Variants in DOCK10 observed in about 807,000 individuals in gnomAD.
The protein encoded by DOCK10 is dedicator of cytokinesis 10, also known as dedicator of cytokinesis protein 10.
In DOCK10, 145 loss-of-function variants were observed where a neutral mutation model predicts 280.1. The ratio of observed to expected loss-of-function variants is 0.52; its 90% CI spans 0.45 to 0.59. The LOEUF is 0.59. Among genes scored for constraint, DOCK10 ranks in the 20% least tolerant of loss-of-function variants. The probability of loss-of-function intolerance (pLI) is 0.00; values close to 1 mark genes in which losing one functional copy is unlikely to be tolerated. For missense variants in DOCK10, 2,368 were observed against 2,651.7 expected (o/e 0.89, Z 2.35); for synonymous variants, 915 against 942.2 (o/e 0.97, Z 0.53).
At chr2:224,957,577 C>G (rs1490080382) in intron 1 of DOCK10, among the ~76,000 whole-genome samples, 1 of 152,138 alleles carries the variant, frequency 6.6e-6, no homozygotes, top group Non-Finnish European at 1.5e-5. Flanking sequence ...TGTGAGCCAC[C>G]AAATCCAGTA....
rs149443101 is a variant in DOCK10, at chr2:224,961,953, G to C, written c.124-30285C>G. Among the ~76,000 whole-genome samples, 24 of 152,214 alleles carry C rather than the reference G, an allele frequency of 1.6e-4. No individual in the cohort carries two copies. In the East Asian group the frequency reaches 4.5e-3, roughly 28 times the overall value. ...AAGATGTCAGTGACATCTTCTCCAG[G>C]GGGTACAGGAATTGCAGGAGTTTAT... On this transcript the variant is annotated intron_variant, in intron 1 of 55. Coordinates refer to ENST00000258390, the MANE Select transcript of DOCK10 (RefSeq NM_014689.3).
chr2:224,876,199 G>T lies in DOCK10; in HGVS notation c.770C>A (p.Ala257Asp). The change falls in exon 8 of 56, where the codon GCC (alanine) becomes GAC (aspartate). Residue 257 changes from alanine to aspartate, a missense_variant. Transcript: ENST00000258390. The part of the protein sequence containing the change: ...VVQNNRLRKY[A>D]FELKMNDLTY... ...CAGATCATTCATTTTCAATTCAAAG[G>T]CATATTTTCTTAGTCTGTTATTCTG... is the stretch of plus-strand genomic sequence containing the variant. 6.2e-7 allele frequency: 1 copy of T among 1,611,136 alleles called. No homozygotes were observed. Among genetic ancestry groups the T allele is most frequent in the South Asian group, 1.1e-5 (1 of 90,574 alleles).
intron 3 of DOCK10, among the ~76,000 whole-genome samples, chr2:224,911,066 C>T (rs1202250635): frequency 6.6e-6 from 1 of 151,820 alleles, no homozygotes; most frequent in African/African-American, 2.4e-5. Context: ...AATGTTCTGT[C>T]CTGAGCTTTG....
chr2:224,932,144 A>G (rs928717395), intron 1 of DOCK10, among the ~76,000 whole-genome samples: 1 of 152,180 alleles, frequency 6.6e-6, no homozygotes, highest in Admixed American at 6.5e-5. Flanking sequence ...GGTTGTCACG[A>G]ACACATGGAT....
At chr2:224,938,321 T>C (rs1702813990) in intron 1 of DOCK10, among the ~76,000 whole-genome samples, 1 of 152,208 alleles carries the variant, frequency 6.6e-6, no homozygotes, top group Non-Finnish European at 1.5e-5. Flanking sequence ...ATCCTGTATC[T>C]GAGTGGCTTC....
At chr2:224,960,743 T>C (rs1704319242) in intron 1 of DOCK10, among the ~76,000 whole-genome samples, 1 of 137,568 alleles carries the variant, frequency 7.3e-6, no homozygotes, top group East Asian at 2.1e-4. Flanking sequence ...TTTTTTTTTT[T>C]TTTTTTTTTT....
chr2:224,978,409 G>A (rs1705558065), intron 1 of DOCK10, among the ~76,000 whole-genome samples: 1 of 152,070 alleles, frequency 6.6e-6, no homozygotes, highest in African/African-American at 2.4e-5. Context: ...CTCCAGCCTG[G>A]GCAATAGAGC....
chr2:224,907,032 T>C (rs1211094804), intron 3 of DOCK10, among the ~76,000 whole-genome samples: 1 of 152,226 alleles, frequency 6.6e-6, no homozygotes, highest in African/African-American at 2.4e-5. Context: ...GAAATTTCTA[T>C]GTAAATTTCA....
intron 51 of DOCK10, among the ~76,000 whole-genome samples, chr2:224,776,225 G>C (rs1051280411): frequency 6.6e-6 from 1 of 152,100 alleles, no homozygotes; most frequent in South Asian, 2.1e-4. Context: ...TGCCTATCCA[G>C]TCCCAGAGAT....
At chr2:225,002,519 CAGT>C (rs1470377810) in intron 1 of DOCK10, among the ~76,000 whole-genome samples, 3 of 152,158 alleles carry the variant, frequency 2.0e-5, no homozygotes, top group Admixed American at 6.5e-5. Context: ...TCTTTGGCCT[CAGT>C]AGTTGAGATT....
At chr2:224,983,794 C>T in intron 1 of DOCK10, 1 of 470,962 alleles carries the variant, frequency 2.1e-6, no homozygotes, top group Non-Finnish European at 4.4e-6. Flanking sequence ...CTGTTTTGAG[C>T]AAACATATTT....
At chr2:225,017,604 T>A (rs1404442423) in intron 1 of DOCK10, among the ~76,000 whole-genome samples, 3 of 151,194 alleles carry the variant, frequency 2.0e-5, no homozygotes, top group East Asian at 2.0e-4. Flanking sequence ...GTAGATTTTT[T>A]AACTGAATCC....
intron 1 of DOCK10, among the ~76,000 whole-genome samples, chr2:224,947,267 C>G (rs1265492288): frequency 6.6e-6 from 1 of 152,182 alleles, no homozygotes; most frequent in Non-Finnish European, 1.5e-5. Context: ...TGATGTAAAA[C>G]CACCCGTGCA....
At chr2:224,971,874 G>A (rs1705106255) in intron 1 of DOCK10, among the ~76,000 whole-genome samples, 1 of 152,070 alleles carries the variant, frequency 6.6e-6, no homozygotes, top group Non-Finnish European at 1.5e-5. Context: ...AAAAAACTAT[G>A]AAGTATTGTA....
At chr2:224,932,977 A>C in intron 1 of DOCK10, among the ~76,000 whole-genome samples, 1 of 152,240 alleles carries the variant, frequency 6.6e-6, no homozygotes, top group South Asian at 2.1e-4. Flanking sequence ...ACATTAGAAA[A>C]AAAAACCCAG....
chr2:224,988,051 G>A (rs1706018382), intron 1 of DOCK10, among the ~76,000 whole-genome samples: 1 of 152,112 alleles, frequency 6.6e-6, no homozygotes. Context: ...ATAGAGCCTG[G>A]CCCATAATTA....
chr2:224,864,820 AT>A, intron 12 of DOCK10, 45 bp downstream of exon 12: 2 of 1,609,572 alleles, frequency 1.2e-6, no homozygotes, highest in Non-Finnish European at 1.7e-6. Context: ...GGTAAGAATA[AT>A]GGTACAAGCA....
In DOCK10 at chr2:224,837,934, T is replaced by G. The variant is rs187698426; in HGVS notation, c.2781-103A>C. 50 of 866,726 alleles carry G rather than the reference T, an allele frequency of 5.8e-5. No individual in the cohort carries two copies. The East Asian group carries it at 6.5e-4, about 11-fold the overall frequency. 53.7% of individuals were successfully genotyped at this position (866,726 alleles called of 1,614,324 possible). A position where few individuals can be genotyped will look rare whatever the true frequency, so the allele number is the denominator to read the frequency against. ...TGTAAATTGGGTATTTAATAATTACTGGGTGAATGAATGAACCAATCTCTG... is the reference window on the plus strand; with the variant it reads ...TGTAAATTGGGTATTTAATAATTACGGGGTGAATGAATGAACCAATCTCTG... On this transcript the variant is annotated intron_variant, in intron 24 of 55. Transcript: ENST00000258390.
At chr2:224,892,455 C>T (rs1047272765) in intron 4 of DOCK10, among the ~76,000 whole-genome samples, 1 of 55,754 alleles carries the variant, frequency 1.8e-5, no homozygotes, top group Non-Finnish European at 3.5e-5. Flanking sequence ...AGAAAAAAAT[C>T]GAAGAGGAGA....
Sources: gnomAD v4.1 joint callset for allele counts (sites outside exome capture counted in the v4.1 genomes callset) on GRCh38, gnomAD v4.1.1 for gene constraint, MANE v1.5 for transcripts, NCBI Gene and HGNC (gene_info 2026-07-23, HGNC 2026-07-21) for gene names.